The following FAM107B variants were observed in gnomAD, a reference collection of about 807,000 sequenced individuals.
The protein encoded by FAM107B is family with sequence similarity 107 member B.
Under a neutral mutation model 31.5 loss-of-function variants are expected in FAM107B, and 21 were observed. The observed-to-expected ratio is 0.67, with a 90% CI of 0.47 to 0.96. The LOEUF (loss-of-function observed/expected upper bound fraction) is 0.96, where lower values mean the gene tolerates loss of function less well. Ranked by LOEUF, FAM107B falls within the 40% of genes least tolerant of loss-of-function variation. The probability of loss-of-function intolerance (pLI) is 0.00; values close to 1 mark genes in which losing one functional copy is unlikely to be tolerated. For missense variants in FAM107B, 452 were observed against 377.1 expected (o/e 1.20, Z -1.64); for synonymous variants, 157 against 141.5 (o/e 1.11, Z -0.78).
chr10:14,613,666 A>G (rs1448801672), intron 2 of FAM107B, among the ~76,000 whole-genome samples: 1 of 152,012 alleles, frequency 6.6e-6, no homozygotes, highest in Non-Finnish European at 1.5e-5. Context: ...CAGACACACA[A>G]TCCTCAGAGT....
At chr10:14,718,816 A>T (rs777189149) in intron 1 of FAM107B, among the ~76,000 whole-genome samples, 2 of 152,226 alleles carry the variant, frequency 1.3e-5, no homozygotes, top group Non-Finnish European at 2.9e-5. Context: ...GGTTCTGTTC[A>T]TTGCAGTTGA....
chr10:14,696,572 A>G (rs1475898233), intron 1 of FAM107B, among the ~76,000 whole-genome samples: 2 of 152,142 alleles, frequency 1.3e-5, no homozygotes, highest in African/African-American at 4.8e-5. Context: ...CTTAAGAAGT[A>G]TTGGTATAAA....
At chr10:14,536,619 C>A (rs1322612285) in intron 2 of FAM107B, among the ~76,000 whole-genome samples, 1 of 152,194 alleles carries the variant, frequency 6.6e-6, no homozygotes, top group Non-Finnish European at 1.5e-5. Context: ...ACTTGCCTGG[C>A]CCTAAGGCAA....
chr10:14,760,560 A>ATTATTAATTTTAAG lies in FAM107B; in HGVS notation c.411+13692_411+13693insCTTAAAATTAATAA, dbSNP rs1388174491. Among the ~76,000 whole-genome samples, 1,329 of 152,338 alleles carry ATTATTAATTTTAAG rather than the reference A, an allele frequency of 8.7e-3. 17 individuals are homozygous for ATTATTAATTTTAAG. The highest frequency in any genetic ancestry group is 0.031 in the African/African-American group (1,273 of 41,574). On this transcript the variant is annotated intron_variant, in intron 1 of 4. Transcript: ENST00000181796. ...ATAGCACTGGTCACATTAATGAGAC[A>ATTATTAATTTTAAG]CCAAACTATATTAAGCATATTGCCA...
At chr10:14,664,086 G>A (rs1208621568) in intron 2 of FAM107B, among the ~76,000 whole-genome samples, 1 of 152,062 alleles carries the variant, frequency 6.6e-6, no homozygotes, top group Non-Finnish European at 1.5e-5. Flanking sequence ...TCCTCCAGCT[G>A]GGTTTCTTTC....
intron 2 of FAM107B, among the ~76,000 whole-genome samples, chr10:14,562,658 C>T (rs1384532291): frequency 6.6e-6 from 1 of 152,218 alleles, no homozygotes; most frequent in Non-Finnish European, 1.5e-5. Flanking sequence ...ACGTCAGCCA[C>T]ATTATTAGTT....
intron 1 of FAM107B, among the ~76,000 whole-genome samples, chr10:14,720,832 T>C (rs1038089185): frequency 1.3e-5 from 2 of 152,098 alleles, no homozygotes; most frequent in Non-Finnish European, 2.9e-5. Flanking sequence ...CAAAGGAACA[T>C]ATTTTTTTTT....
intron 4 of FAM107B, among the ~76,000 whole-genome samples, chr10:14,521,549 A>C (rs978007412): frequency 6.6e-6 from 1 of 152,174 alleles, no homozygotes; most frequent in African/African-American, 2.4e-5. Flanking sequence ...AGGGCTAAGG[A>C]AACAAATCCT....
chr10:14,558,115 C>T (rs753169371), intron 2 of FAM107B, among the ~76,000 whole-genome samples: 13 of 152,258 alleles, frequency 8.5e-5, no homozygotes, highest in Non-Finnish European at 1.8e-4. Context: ...TGGACTACTC[C>T]ATTAAATGCA....
At chr10:14,701,500 C>T (rs141082008) in intron 1 of FAM107B, among the ~76,000 whole-genome samples, 1,888 of 152,252 alleles carry the variant, frequency 0.012, 44 homozygotes, top group African/African-American at 0.043. Context: ...CCACCTCGGC[C>T]TCCCAAAGTG....
intron 1 of FAM107B, among the ~76,000 whole-genome samples, chr10:14,727,890 A>T (rs914411959): frequency 6.6e-6 from 1 of 152,192 alleles, no homozygotes; most frequent in African/African-American, 2.4e-5. Flanking sequence ...TTCTGTGTAG[A>T]TGGAAAAAAG....
intron 2 of FAM107B, among the ~76,000 whole-genome samples, chr10:14,647,114 T>C (rs920190472): frequency 1.3e-5 from 2 of 152,130 alleles, no homozygotes; most frequent in Non-Finnish European, 2.9e-5. Context: ...CTCTTTTAAA[T>C]GGAGAACTTC....
intron 2 of FAM107B, among the ~76,000 whole-genome samples, chr10:14,620,720 C>T (rs1325970226): frequency 6.6e-6 from 1 of 152,090 alleles, no homozygotes; most frequent in Non-Finnish European, 1.5e-5. Flanking sequence ...TGTGATGTTC[C>T]CCTCCCTGTG....
Position 14,548,678 on chromosome 10 carries a change from A to C in FAM107B, c.470-18163T>G, listed in dbSNP as rs931179214. ...CAGAAGCCCCCGGGGGCCTTCCTCCATCGCCTCATTGGCCAGAACAGTGTC... is the reference window on the plus strand; with the variant it reads ...CAGAAGCCCCCGGGGGCCTTCCTCCCTCGCCTCATTGGCCAGAACAGTGTC... On this transcript the variant is annotated intron_variant, in intron 2 of 4. Transcript: ENST00000181796. 9.2e-6 allele frequency: 9 copies of C among 983,238 alleles called. No individual in the cohort carries two copies. In the South Asian group the frequency reaches 1.9e-4, roughly 21 times the overall value. 60.9% of individuals were successfully genotyped at this position (983,238 alleles called of 1,614,324 possible). A position where few individuals can be genotyped will look rare whatever the true frequency, so the allele number is the denominator to read the frequency against.
rs1423527622 is a variant in FAM107B, at chr10:14,728,362, T to A, written c.411+45891A>T. Among the ~76,000 whole-genome samples the A allele has an allele frequency of 2.0e-5, 3 of 152,010 alleles. No homozygotes were observed. The South Asian group carries it at 6.2e-4, about 31-fold the overall frequency. On this transcript the variant is annotated intron_variant, in intron 1 of 4. Transcript: ENST00000181796. Reference sequence around the variant, plus strand: ...GTGTGTGTGTGTGTGCTTTTTTTTTTAATCTCCAGCGGTAGAAATTACTAT... The same window carrying A: ...GTGTGTGTGTGTGTGCTTTTTTTTTAAATCTCCAGCGGTAGAAATTACTAT...
chr10:14,566,557 C>G (rs1385224324), intron 2 of FAM107B, among the ~76,000 whole-genome samples: 1 of 152,184 alleles, frequency 6.6e-6, no homozygotes, highest in Non-Finnish European at 1.5e-5. Flanking sequence ...TGGTGAGAGC[C>G]TGAAGCACAG....
intron 3 of FAM107B, among the ~76,000 whole-genome samples, chr10:14,526,456 G>A (rs1258703531): frequency 3.3e-5 from 5 of 152,236 alleles, no homozygotes; most frequent in Non-Finnish European, 7.3e-5. Flanking sequence ...AATTACAGGC[G>A]TGAGCCGCCG....
chr10:14,744,377 A>G (rs1023016273), intron 1 of FAM107B, among the ~76,000 whole-genome samples: 2 of 152,158 alleles, frequency 1.3e-5, no homozygotes, highest in African/African-American at 2.4e-5. Flanking sequence ...AGAACTTCCA[A>G]TACTATGTTG....
intron 1 of FAM107B, among the ~76,000 whole-genome samples, chr10:14,694,645 A>C (rs578261662): frequency 2.5e-4 from 38 of 152,270 alleles, no homozygotes; most frequent in African/African-American, 9.1e-4. Context: ...CAGCCTCCCA[A>C]AGTGCTGGGA....
Sources: gnomAD v4.1 joint callset for allele counts (sites outside exome capture counted in the v4.1 genomes callset) on GRCh38, gnomAD v4.1.1 for gene constraint, MANE v1.5 for transcripts, NCBI Gene and HGNC (gene_info 2026-07-23, HGNC 2026-07-21) for gene names.